Variants in FAT3 observed in about 807,000 individuals in gnomAD.
FAT3 encodes FAT atypical cadherin 3.
FAT3 carries 95 observed loss-of-function variants against 310.2 expected under a neutral mutation model. The observed-to-expected ratio is 0.31, with a 90% CI of 0.26 to 0.36. The LOEUF (loss-of-function observed/expected upper bound fraction) is 0.36, where lower values mean the gene tolerates loss of function less well. FAT3 is among the 10% of genes least tolerant of loss of function. The pLI, the probability that FAT3 is intolerant of heterozygous loss-of-function variation, is 1.00. For missense variants in FAT3, 5,408 were observed against 5,715.6 expected (o/e 0.95, Z 1.74); for synonymous variants, 2,314 against 2,192.9 (o/e 1.06, Z -1.54).
At chr11:92,770,965 C>CT (rs1946441549) in intron 6 of FAT3, among the ~76,000 whole-genome samples, 1 of 152,130 alleles carries the variant, frequency 6.6e-6, no homozygotes, top group Non-Finnish European at 1.5e-5. Context: ...TTTGTTTACT[C>CT]TATTACACCT....
chr11:92,882,656 T>C (rs1010962597), intron 23 of FAT3, 82 bp from the exon 24 acceptor site: 2 of 1,308,938 alleles, frequency 1.5e-6, no homozygotes, highest in Non-Finnish European at 2.0e-6. Flanking sequence ...CTTTTAAAGA[T>C]GTCTGTGTTT....
chr11:92,464,031 C>T (rs1267181472), intron 2 of FAT3, among the ~76,000 whole-genome samples: 3 of 152,134 alleles, frequency 2.0e-5, no homozygotes, highest in Non-Finnish European at 2.9e-5. Flanking sequence ...TCTGGTCTCA[C>T]GAGTGTGTGC....
At chr11:92,643,177 C>T (rs1205978904) in intron 3 of FAT3, among the ~76,000 whole-genome samples, 1 of 152,298 alleles carries the variant, frequency 6.6e-6, no homozygotes, top group East Asian at 1.9e-4. Flanking sequence ...AATCTTTGTT[C>T]TTTCTATTAC....
Position 92,799,433 on chromosome 11 carries a change from T to C in FAT3, c.6420T>C (p.Ile2140=). ...FEINPNSGNV[I]LKEAFNSDLS... is the part of the protein sequence containing the mutation. ...TTAACCCTAATTCAGGGAATGTTAT[T>C]TTAAAGGAAGCATTCAACTCTGACT... is the stretch of plus-strand genomic sequence containing the variant. Residue 2140 remains isoleucine (I), a synonymous_variant, in exon 10 of 28, where the codon ATT becomes ATC. Coordinates refer to ENST00000525166, the MANE Select transcript of FAT3 (RefSeq NM_001367949.2). 6.2e-7 allele frequency: 1 copy of C among 1,613,676 alleles called. No individual in the cohort carries two copies. The highest frequency in any genetic ancestry group is 8.5e-7 in the Non-Finnish European group (1 of 1,179,770).
chr11:92,569,859 T>C (rs908835604), intron 3 of FAT3, among the ~76,000 whole-genome samples: 3 of 152,132 alleles, frequency 2.0e-5, no homozygotes, highest in African/African-American at 7.2e-5. Context: ...CTCATCTCAG[T>C]AATTGGTTGG....
chr11:92,415,437 C>T (rs2134949331), intron 2 of FAT3, among the ~76,000 whole-genome samples: 1 of 152,234 alleles, frequency 6.6e-6, no homozygotes, highest in Non-Finnish European at 1.5e-5. Context: ...GGAACAGATG[C>T]TTCAGGCCAT....
chr11:92,582,314 G>A (rs1591482494), intron 3 of FAT3, among the ~76,000 whole-genome samples: 1 of 151,866 alleles, frequency 6.6e-6, no homozygotes, highest in Admixed American at 6.6e-5. Flanking sequence ...AGTCCAGTAG[G>A]TTTCAGCCTC....
chr11:92,642,646 C>T (rs1942004636), intron 3 of FAT3, among the ~76,000 whole-genome samples: 1 of 152,198 alleles, frequency 6.6e-6, no homozygotes, highest in Admixed American at 6.5e-5. Flanking sequence ...CATTACTGCC[C>T]ATTTGAGGAT....
intron 2 of FAT3, among the ~76,000 whole-genome samples, chr11:92,367,415 G>A (rs1363823196): frequency 6.6e-6 from 1 of 152,118 alleles, no homozygotes; most frequent in Non-Finnish European, 1.5e-5. Flanking sequence ...GGGCAATATA[G>A]TGAGACCCTC....
chr11:92,889,741 C>T (rs149840285), intron 26 of FAT3, 115 bp from the exon 27 acceptor site: 17 of 673,986 alleles, frequency 2.5e-5, no homozygotes, highest in East Asian at 2.2e-4. Context: ...TAAACTTAGT[C>T]GTAGCCCACA....
intron 1 of FAT3, among the ~76,000 whole-genome samples, chr11:92,298,545 A>G (rs1230778132): frequency 6.6e-6 from 1 of 152,136 alleles, no homozygotes; most frequent in Non-Finnish European, 1.5e-5. Flanking sequence ...ATAGCAGCAT[A>G]AAGGAAGAGA....
intron 2 of FAT3, among the ~76,000 whole-genome samples, chr11:92,523,101 A>G (rs1452327928): frequency 6.6e-6 from 1 of 152,190 alleles, no homozygotes; most frequent in Non-Finnish European, 1.5e-5. Context: ...GTGTCAACCC[A>G]GTTTATAAAG....
chr11:92,740,150 T>C (rs1220442284), intron 4 of FAT3, among the ~76,000 whole-genome samples: 1 of 152,206 alleles, frequency 6.6e-6, no homozygotes, highest in Non-Finnish European at 1.5e-5. Flanking sequence ...AGATTGTAAA[T>C]CATCATCTGT....
chr11:92,462,625 G>C (rs950554989), intron 2 of FAT3, among the ~76,000 whole-genome samples: 8 of 151,918 alleles, frequency 5.3e-5, no homozygotes, highest in Admixed American at 4.6e-4. Context: ...AGACTCCTTT[G>C]TTTCTTATTA....
At chr11:92,512,148 G>C (rs143149759) in intron 2 of FAT3, among the ~76,000 whole-genome samples, 1 of 152,092 alleles carries the variant, frequency 6.6e-6, no homozygotes, top group Admixed American at 6.6e-5. Flanking sequence ...AAAGTGCATT[G>C]AAGTATACAT....
chr11:92,722,776 C>G (rs1177644348), intron 4 of FAT3, among the ~76,000 whole-genome samples: 1 of 152,204 alleles, frequency 6.6e-6, no homozygotes, highest in African/African-American at 2.4e-5. Flanking sequence ...CACATGGAAG[C>G]TGCTAAGGCT....
intron 2 of FAT3, among the ~76,000 whole-genome samples, chr11:92,373,793 C>G (rs1294912107): frequency 7.5e-6 from 1 of 133,740 alleles, no homozygotes; most frequent in Non-Finnish European, 1.5e-5. Flanking sequence ...CACACACACA[C>G]ACACACACAC....
intron 1 of FAT3, among the ~76,000 whole-genome samples, chr11:92,294,477 C>T (rs1192684193): frequency 6.6e-6 from 1 of 151,962 alleles, no homozygotes; most frequent in Admixed American, 6.6e-5. Flanking sequence ...GAGCCATTGC[C>T]AAGTCATACT....
In FAT3 at chr11:92,764,901, G is replaced by A. The variant is rs528757478; in HGVS notation, c.4007G>A (p.Arg1336His). ...ILTIKAVDNG[R>H]PQKSSTARLH... ...TAGATAAAGGCAGTGGACAATGGGCGCCCACAGAAATCCTCCACGGCCCGC... is the reference window on the plus strand; with the variant it reads ...TAGATAAAGGCAGTGGACAATGGGCACCCACAGAAATCCTCCACGGCCCGC... Residue 1336 changes from arginine (R) to histidine (H), a missense_variant, in exon 6 of 28, where the codon CGC becomes CAC. By Grantham distance (29) the Arg-to-His change is conservative (BLOSUM62 0). Coordinates refer to ENST00000525166, the MANE Select transcript of FAT3 (RefSeq NM_001367949.2). The A allele has an allele frequency of 2.6e-5, 42 of 1,613,618 alleles. No homozygotes were observed. The Admixed American group carries it at 2.7e-4, about 10-fold the overall frequency.
Sources: allele counts gnomAD v4.1 joint callset (sites outside exome capture counted in the v4.1 genomes callset), GRCh38; gene constraint gnomAD v4.1.1; transcripts MANE v1.5; gene names NCBI Gene and HGNC (gene_info 2026-07-23, HGNC 2026-07-21).